The following ELMOD3 variants were observed in gnomAD, a reference collection of about 807,000 sequenced individuals.
ELMOD3 encodes the protein ELMO domain containing 3.
ELMOD3 carries 36 observed loss-of-function variants against 47.4 expected under a neutral mutation model. The observed-to-expected ratio is 0.76, with a 90% CI of 0.58 to 1.00. ELMOD3 has a LOEUF of 1.00. ELMOD3 is among the 50% of genes least tolerant of loss of function. The probability of loss-of-function intolerance (pLI) is 0.00; values close to 1 mark genes in which losing one functional copy is unlikely to be tolerated. For synonymous variants in ELMOD3, 149 were observed against 183.5 expected, an observed-to-expected ratio of 0.81 and a Z score of 1.52; for missense variants, 404 against 463.8, an observed-to-expected ratio of 0.87 and a Z score of 1.18.
At chr2:85,373,919 CTTT>C (rs769671833) in intron 10 of ELMOD3, among the ~76,000 whole-genome samples, 1,362 of 124,562 alleles carry the variant, frequency 0.011, 10 homozygotes, top group African/African-American at 0.038. Flanking sequence ...TCCTAACCCT[CTTT>C]TTTTTTTTTT....
At chr2:85,366,211 TC>T (rs1441584195) in intron 6 of ELMOD3, among the ~76,000 whole-genome samples, 1 of 151,432 alleles carries the variant, frequency 6.6e-6, no homozygotes, top group Non-Finnish European at 1.5e-5. Flanking sequence ...CCTCAGGTGA[TC>T]CACCCACCTC....
chr2:85,370,510 C>T (rs371895714), intron 8 of ELMOD3, among the ~76,000 whole-genome samples: 3 of 152,008 alleles, frequency 2.0e-5, no homozygotes, highest in African/African-American at 7.2e-5. Context: ...TACCTAAAAC[C>T]TTGCTCAGGG....
At chr2:85,362,324 C>A in intron 5 of ELMOD3, 64 bp downstream of exon 5, 1 of 1,028,508 alleles carries the variant, frequency 9.7e-7, no homozygotes, top group Non-Finnish European at 1.5e-6. Flanking sequence ...CTGTGTGGTG[C>A]CAGAACTGTG....
chr2:85,361,233 G>A (rs918905630), intron 4 of ELMOD3, among the ~76,000 whole-genome samples: 1 of 152,204 alleles, frequency 6.6e-6, no homozygotes. Context: ...TGTAGCAGGG[G>A]ATAGGTTTGG....
At chr2:85,364,823 A>ATTTTTTTTTTTTTTTTTTTTTTTTTTTTT (rs1221956258) in intron 6 of ELMOD3, among the ~76,000 whole-genome samples, 1 of 87,020 alleles carries the variant, frequency 1.1e-5, no homozygotes, top group African/African-American at 5.9e-5. Context: ...ATATATATAT[A>ATTTTTTTTTTTTTTTTTTTTTTTTTTTTT]TATTTTTTTT....
Position 85,357,047 on chromosome 2 carries a change from T to G in ELMOD3, c.-152T>G, listed in dbSNP as rs1683615260. ...ACACCCTCGGATGGCACAAAGGGACTGTTTTCTTACTCTTAGTCTGAGTGA... is the reference window on the plus strand; with the variant it reads ...ACACCCTCGGATGGCACAAAGGGACGGTTTTCTTACTCTTAGTCTGAGTGA... On this transcript the variant is annotated 5_prime_UTR_variant, in exon 4 of 14. Transcript: ENST00000409013. 3 of 577,832 alleles carry G rather than the reference T, an allele frequency of 5.2e-6. No individual in the cohort carries two copies. The South Asian group carries it at 6.6e-5, about 13-fold the overall frequency. 35.8% of individuals were successfully genotyped at this position (577,832 alleles called of 1,614,324 possible).
chr2:85,379,859 T>C (rs1037613498), intron 11 of ELMOD3, among the ~76,000 whole-genome samples: 1 of 152,178 alleles, frequency 6.6e-6, no homozygotes, highest in Non-Finnish European at 1.5e-5. Flanking sequence ...ATTTGTACCA[T>C]CAAATATCTA....
At chr2:85,382,479 T>C (rs1246454333) in intron 11 of ELMOD3, among the ~76,000 whole-genome samples, 2 of 150,932 alleles carry the variant, frequency 1.3e-5, no homozygotes, top group Non-Finnish European at 3.0e-5. Flanking sequence ...GTGTTCCTTT[T>C]AGACCCAGGA....
chr2:85,389,894 A>C, intron 12 of ELMOD3, 67 bp downstream of exon 12: 1 of 1,453,290 alleles, frequency 6.9e-7, no homozygotes, highest in East Asian at 2.3e-5. Flanking sequence ...ACTCTGGCTT[A>C]ATTTTCCCCA....
intron 4 of ELMOD3, among the ~76,000 whole-genome samples, chr2:85,359,137 A>G (rs1683763923): frequency 6.6e-6 from 1 of 152,190 alleles, no homozygotes; most frequent in South Asian, 2.1e-4. Context: ...GCCTTTCCCT[A>G]TTATAAACAG....
At chr2:85,364,959 C>A (rs1363840153) in intron 6 of ELMOD3, among the ~76,000 whole-genome samples, 1 of 148,456 alleles carries the variant, frequency 6.7e-6, no homozygotes. Flanking sequence ...CAGGTGTGCA[C>A]TACCATGCCT....
At position 85,390,754 on chromosome 2, in the gene ELMOD3, T is replaced by C. The variant is rs201853713; in HGVS notation, c.944-6T>C. On this transcript the variant is annotated splice_region_variant and splice_polypyrimidine_tract_variant and intron_variant, in intron 13 of 13. Coordinates refer to ENST00000409013, the MANE Select transcript of ELMOD3 (RefSeq NM_001135022.2). ...GCCTTCTGCTCCCCAATTCTCTCTG[T>C]TGCAGAGTTGGAAGTATTGGCCAAG... 9.1e-4 allele frequency: 1,411 copies of C among 1,550,430 alleles called. 1 individual carries two copies. The highest frequency in any genetic ancestry group is 1.2e-3 in the Non-Finnish European group (1,327 of 1,146,970).
chr2:85,373,887 CT>C (rs1235042692), intron 10 of ELMOD3, among the ~76,000 whole-genome samples: 20 of 145,314 alleles, frequency 1.4e-4, no homozygotes, highest in African/African-American at 4.5e-4. Context: ...TGTATTTACT[CT>C]TTCCATTGTT....
At chr2:85,387,666 CAAAAAAA>C (rs33992978) in intron 11 of ELMOD3, among the ~76,000 whole-genome samples, 1 of 94,116 alleles carries the variant, frequency 1.1e-5, no homozygotes, top group Non-Finnish European at 2.0e-5. Context: ...GACTCCATCT[CAAAAAAA>C]AAAAAAAAAA....
At chr2:85,362,402 G>A in intron 5 of ELMOD3, 142 bp downstream of exon 5, 1 of 638,966 alleles carries the variant, frequency 1.6e-6, no homozygotes, top group South Asian at 1.9e-5. Flanking sequence ...AGGGGAGTGA[G>A]GGGAGGGTGT....
Position 85,357,144 on chromosome 2 carries a change from T to C in ELMOD3, c.-55T>C. 1 of 1,343,622 alleles carries C rather than the reference T, an allele frequency of 7.4e-7. No individual in the cohort carries two copies. Among genetic ancestry groups the C allele is most frequent in the Non-Finnish European group, 1.1e-6 (1 of 951,116 alleles). 83.2% of individuals were successfully genotyped at this position (1,343,622 alleles called of 1,614,324 possible). A position where few individuals can be genotyped will look rare whatever the true frequency, so the allele number is the denominator to read the frequency against. Reference sequence around the variant, plus strand: ...CATAGCTTCTGATCTCAGACCTTACTAAAATGCTTTCTGGGCCCAAGGACA... The same window carrying C: ...CATAGCTTCTGATCTCAGACCTTACCAAAATGCTTTCTGGGCCCAAGGACA... On this transcript the variant is annotated 5_prime_UTR_variant, in exon 4 of 14. Coordinates refer to ENST00000409013, the MANE Select transcript of ELMOD3 (RefSeq NM_001135022.2).
rs143092815 is a variant in ELMOD3, at chr2:85,360,678, A to AT, written c.55-1498dup. 1.5e-3 allele frequency: 254 copies of AT among 166,456 alleles called. 3 individuals are homozygous for AT. The South Asian group carries it at 0.015, about 10-fold the overall frequency. 10.3% of individuals were successfully genotyped at this position (166,456 alleles called of 1,614,324 possible). On this transcript the variant is annotated intron_variant, in intron 4 of 13. Coordinates refer to ENST00000409013, the MANE Select transcript of ELMOD3 (RefSeq NM_001135022.2). ...CTGGTTTTTCTTTTTTGCCTTAATG[A>AT]TTTTTTTTTTCTCTGAGATTAAACT...
Position 85,377,480 on chromosome 2 carries a change from A to T in ELMOD3, c.738+6A>T, listed in dbSNP as rs1317372430. 11 of 1,604,888 alleles carry T rather than the reference A, an allele frequency of 6.9e-6. No homozygotes were observed. The highest frequency in any genetic ancestry group is 8.5e-6 in the Non-Finnish European group (10 of 1,175,584). ...TGTCTCGTCACCACATCCAGGTGAG[A>T]CTTTGGTGGGAAGCCAGAGGAAAGG... On this transcript the variant is annotated splice_donor_region_variant and intron_variant, in intron 11 of 13. Coordinates refer to ENST00000409013, the MANE Select transcript of ELMOD3 (RefSeq NM_001135022.2).
Position 85,371,483 on chromosome 2 carries a change from G to C in ELMOD3, c.528G>C (p.Gln176His). 1.9e-6 allele frequency: 3 copies of C among 1,614,208 alleles called. No homozygotes were observed. Among genetic ancestry groups the C allele is most frequent in the Non-Finnish European group, 2.5e-6 (3 of 1,180,048 alleles). ...SQDPVHGRVL[Q>H]TIYKKLTGSK... Reference sequence around the variant, plus strand: ...ACCCAGTGCATGGCCGAGTCCTCCAGACCATCTATAAGAAGCTGACCGGCT... The same window carrying C: ...ACCCAGTGCATGGCCGAGTCCTCCACACCATCTATAAGAAGCTGACCGGCT... Residue 176 changes from glutamine (Q) to histidine (H), a missense_variant, in exon 10 of 14, where the codon CAG (glutamine) becomes CAC (histidine). By Grantham distance (24) the Gln-to-His change is conservative. Transcript: ENST00000409013.
Sources: gnomAD v4.1 joint callset for allele counts (sites outside exome capture counted in the v4.1 genomes callset) on GRCh38, gnomAD v4.1.1 for gene constraint, MANE v1.5 for transcripts, NCBI Gene and HGNC (gene_info 2026-07-23, HGNC 2026-07-21) for gene names.